GPCPD1: variants seen among roughly 807,000 people sequenced by gnomAD.
GPCPD1 encodes glycerophosphocholine phosphodiesterase 1, also known as glycerophosphocholine phosphodiesterase GPCPD1.
A neutral mutation model predicts 89.2 loss-of-function variants in GPCPD1; 29 were observed. The ratio of observed to expected loss-of-function variants is 0.33; its 90% CI spans 0.24 to 0.44. The LOEUF is 0.44. Ranked by LOEUF, GPCPD1 falls within the 20% of genes least tolerant of loss-of-function variation. The pLI, the probability that GPCPD1 is intolerant of heterozygous loss-of-function variation, is 1.00. For synonymous variants in GPCPD1, 258 were observed against 266.3 expected, an observed-to-expected ratio of 0.97 and a Z score of 0.30; for missense variants, 594 against 808.9, an observed-to-expected ratio of 0.73 and a Z score of 3.22.
At chr20:5,597,720 T>C (rs1381123952) in intron 3 of GPCPD1, among the ~76,000 whole-genome samples, 1 of 152,222 alleles carries the variant, frequency 6.6e-6, no homozygotes, top group Non-Finnish European at 1.5e-5. Context: ...CTAACCCCTT[T>C]TTATCATGCA....
At chr20:5,571,360 G>A (rs1376558944) in intron 11 of GPCPD1, among the ~76,000 whole-genome samples, 1 of 151,952 alleles carries the variant, frequency 6.6e-6, no homozygotes. Flanking sequence ...AATTTTTTTG[G>A]TTTTAGACAA....
intron 2 of GPCPD1, among the ~76,000 whole-genome samples, chr20:5,602,939 C>G (rs540308784): frequency 6.7e-5 from 10 of 148,420 alleles, no homozygotes; most frequent in African/African-American, 2.0e-4. Context: ...GCCGAGATCG[C>G]GTCATTGCAC....
chr20:5,547,846 A>G lies in GPCPD1; in HGVS notation c.1834T>C (p.Tyr612His). Residue 612 changes from tyrosine (Y) to histidine (H), a missense_variant, in exon 20 of 20, where the codon TAT (tyrosine) becomes CAT (histidine). Transcript: ENST00000379019. The part of the protein sequence containing the change: ...GVNGLIYDRI[Y>H]DWMPEQPNIF... ...TTTGGTTGTTCAGGCATCCAATCAT[A>G]TATCCTATGATGAAACAAATACAAA... 6.4e-7 allele frequency: 1 copy of G among 1,565,066 alleles called. No individual in the cohort carries two copies. Among genetic ancestry groups the G allele is most frequent in the Non-Finnish European group, 8.8e-7 (1 of 1,140,984 alleles).
Position 5,567,426 on chromosome 20 carries a change from C to T in GPCPD1, c.1227+57G>A, listed in dbSNP as rs932706478. 2.6e-6 allele frequency: 4 copies of T among 1,515,144 alleles called. No individual in the cohort carries two copies. The African/African-American group carries it at 4.2e-5, about 16-fold the overall frequency. 93.9% of individuals were successfully genotyped at this position (1,515,144 alleles called of 1,614,324 possible). A position where few individuals can be genotyped will look rare whatever the true frequency, so the allele number is the denominator to read the frequency against. On this transcript the variant is annotated intron_variant, in intron 13 of 19. Transcript: ENST00000379019. ...CAAAGAGAACATAACCATATACAAG[C>T]AAGTACAATAGTCCTAAAGCTAAGG...
rs1979105425 is a variant in GPCPD1, at chr20:5,588,670, C to T, written c.232-2401G>A. On this transcript the variant is annotated intron_variant, in intron 4 of 19. Transcript: ENST00000379019. ...TGAAACCCCATCTCTACCAAAAATACAAAAATTAGCCAGGCATGGTGGCAC... is the reference window on the plus strand; with the variant it reads ...TGAAACCCCATCTCTACCAAAAATATAAAAATTAGCCAGGCATGGTGGCAC... 2.0e-5 allele frequency among the ~76,000 whole-genome samples: 3 copies of T among 151,782 alleles called. No individual in the cohort carries two copies. The South Asian group carries it at 6.2e-4, about 31-fold the overall frequency.
intron 2 of GPCPD1, among the ~76,000 whole-genome samples, chr20:5,603,322 T>C (rs1980308648): frequency 6.6e-6 from 1 of 152,086 alleles, no homozygotes; most frequent in African/African-American, 2.4e-5. Flanking sequence ...CAACAGAGTT[T>C]ACAATCTGTC....
rs1985301513 is a variant in GPCPD1, at chr20:5,550,177, G to C, written c.1830-2327C>G. Among the ~76,000 whole-genome samples, 3 of 149,208 alleles carry C rather than the reference G, an allele frequency of 2.0e-5. No homozygotes were observed. In the Admixed American group the frequency reaches 2.0e-4, roughly 10 times the overall value. On this transcript the variant is annotated intron_variant, in intron 19 of 19. Coordinates refer to ENST00000379019, the MANE Select transcript of GPCPD1 (RefSeq NM_019593.5). Reference sequence around the variant, plus strand: ...CCACTGAACCCCAGCCTGGATGATAGAGTGAGACTATCTCAAAAAAAAAAC... The same window carrying C: ...CCACTGAACCCCAGCCTGGATGATACAGTGAGACTATCTCAAAAAAAAAAC...
At chr20:5,568,241 T>TAC (rs1986510366) in intron 12 of GPCPD1, among the ~76,000 whole-genome samples, 1 of 148,736 alleles carries the variant, frequency 6.7e-6, no homozygotes, top group Admixed American at 6.7e-5. Flanking sequence ...TATATATATA[T>TAC]ATATACTTAG....
At chr20:5,608,124 G>A (rs1980720141) in intron 1 of GPCPD1, among the ~76,000 whole-genome samples, 2 of 152,110 alleles carry the variant, frequency 1.3e-5, no homozygotes, top group Non-Finnish European at 2.9e-5. Flanking sequence ...ATTATCTCTA[G>A]ATTTCTACTG....
chr20:5,574,674 G>A (rs1978285549), intron 10 of GPCPD1, among the ~76,000 whole-genome samples: 1 of 152,176 alleles, frequency 6.6e-6, no homozygotes, highest in South Asian at 2.1e-4. Flanking sequence ...GGAAATTAAG[G>A]CTGCAGTGAG....
At chr20:5,582,249 G>A (rs1292863243) in intron 6 of GPCPD1, among the ~76,000 whole-genome samples, 4 of 130,794 alleles carry the variant, frequency 3.1e-5, no homozygotes, top group Non-Finnish European at 6.3e-5. Flanking sequence ...TCCAAAACAT[G>A]TAGTGTAAAT....
At chr20:5,578,689 A>AT in intron 7 of GPCPD1, 78 bp from the exon 8 acceptor site, 1 of 836,806 alleles carries the variant, frequency 1.2e-6, no homozygotes, top group East Asian at 2.6e-5. Context: ...TAAATTCTAC[A>AT]TTTTAAAGTG....
intron 15 of GPCPD1, among the ~76,000 whole-genome samples, chr20:5,563,230 C>T (rs918944144): frequency 2.0e-5 from 3 of 151,952 alleles, no homozygotes; most frequent in Admixed American, 6.6e-5. Context: ...CCACCTGCCT[C>T]GGCCTCCCAA....
chr20:5,571,814 C>T (rs2122641142), intron 11 of GPCPD1, among the ~76,000 whole-genome samples: 1 of 152,076 alleles, frequency 6.6e-6, no homozygotes, highest in South Asian at 2.1e-4. Flanking sequence ...GAGGCTGAAA[C>T]TGGAGAATCG....
intron 10 of GPCPD1, among the ~76,000 whole-genome samples, chr20:5,574,438 T>C (rs1978285188): frequency 6.6e-6 from 1 of 152,032 alleles, no homozygotes; most frequent in Non-Finnish European, 1.5e-5. Context: ...AAATGTATTG[T>C]TTAAGATGGG....
At chr20:5,601,950 C>A (rs1980189263) in intron 2 of GPCPD1, among the ~76,000 whole-genome samples, 1 of 152,190 alleles carries the variant, frequency 6.6e-6, no homozygotes, top group Admixed American at 6.5e-5. Flanking sequence ...AATTGGCTCT[C>A]AGTTATAAAA....
chr20:5,590,542 CA>C lies in GPCPD1; in HGVS notation c.231+2784del, dbSNP rs71197771. ...TGGGCGACAGAACAAGACTCTGTCT[CA>C]AAAAAAAAAATCTCTATTTTTAGTA... On this transcript the variant is annotated intron_variant, in intron 4 of 19. Transcript: ENST00000379019. Among the ~76,000 whole-genome samples, 22 of 78,918 alleles carry C rather than the reference CA, an allele frequency of 2.8e-4. 1 individual carries two copies. Among genetic ancestry groups the C allele is most frequent in the South Asian group, 1.3e-3 (3 of 2,368 alleles). 51.8% of individuals were successfully genotyped at this position (78,918 alleles called of 152,430 possible). A position where few individuals can be genotyped will look rare whatever the true frequency, so the allele number is the denominator to read the frequency against.
At chr20:5,549,012 CGCTGATCTCTAA>C in intron 19 of GPCPD1, 1 of 703,428 alleles carries the variant, frequency 1.4e-6, no homozygotes, top group Non-Finnish European at 2.4e-6. Context: ...GCAAACCTGC[CGCTGATCTCTAA>C]GTTTGATCCT....
chr20:5,573,575 A>T (rs1986839769), intron 11 of GPCPD1, among the ~76,000 whole-genome samples: 1 of 152,084 alleles, frequency 6.6e-6, no homozygotes, highest in African/African-American at 2.4e-5. Context: ...GAATCTACAA[A>T]AGAGAAAAAA....
Sources: gnomAD v4.1 joint callset for allele counts (sites outside exome capture counted in the v4.1 genomes callset) on GRCh38, gnomAD v4.1.1 for gene constraint, MANE v1.5 for transcripts, NCBI Gene and HGNC (gene_info 2026-07-23, HGNC 2026-07-21) for gene names.